FRAS1: variants seen among roughly 807,000 people sequenced by gnomAD.
FRAS1 encodes Fraser extracellular matrix complex subunit 1.
A neutral mutation model predicts 435.2 loss-of-function variants in FRAS1; 290 were observed. That is an observed-to-expected ratio of 0.67 (90% CI 0.61 to 0.73). The LOEUF is 0.73. Ranked by LOEUF, FRAS1 falls within the 30% of genes least tolerant of loss-of-function variation. The pLI, the probability that FRAS1 is intolerant of heterozygous loss-of-function variation, is 0.00. For synonymous variants in FRAS1, 1,800 were observed against 1,851.0 expected, an observed-to-expected ratio of 0.97 and a Z score of 0.71; for missense variants, 4,860 against 5,001.5, an observed-to-expected ratio of 0.97 and a Z score of 0.85.
chr4:78,084,149 TC>T (rs1273566859), intron 2 of FRAS1, among the ~76,000 whole-genome samples: 1 of 152,136 alleles, frequency 6.6e-6, no homozygotes, highest in African/African-American at 2.4e-5. Flanking sequence ...TCCTGTGAGG[TC>T]CCACAATAGG....
chr4:78,375,729 T>C lies in FRAS1; in HGVS notation c.3152-10T>C, dbSNP rs776449329. On this transcript the variant is annotated splice_polypyrimidine_tract_variant and intron_variant, in intron 25 of 73. Coordinates refer to ENST00000512123, the MANE Select transcript of FRAS1 (RefSeq NM_025074.7). Reference sequence around the variant, plus strand: ...GATTGAGCCTCATTTAGTGTTTCCTTTTTTAATAGCCTGCCCTCAGGGGTG... The same window carrying C: ...GATTGAGCCTCATTTAGTGTTTCCTCTTTTAATAGCCTGCCCTCAGGGGTG... 2.6e-5 allele frequency: 40 copies of C among 1,560,594 alleles called. No homozygotes were observed. Among genetic ancestry groups the C allele is most frequent in the Non-Finnish European group, 3.5e-5 (40 of 1,155,290 alleles).
intron 11 of FRAS1, 55 bp from the exon 12 acceptor site, chr4:78,282,765 C>G (rs1203151329): frequency 6.3e-7 from 1 of 1,594,380 alleles, no homozygotes. Context: ...GCAGCAAGCT[C>G]TCTTCTGAAT....
chr4:78,244,873 G>C (rs554334273), intron 3 of FRAS1, among the ~76,000 whole-genome samples: 1 of 152,294 alleles, frequency 6.6e-6, no homozygotes, highest in South Asian at 2.1e-4. Context: ...AGACCTGCCA[G>C]CTCTGTGGCC....
chr4:78,237,759 G>A (rs926139089), intron 3 of FRAS1, 142 bp downstream of exon 3: 11 of 460,252 alleles, frequency 2.4e-5, no homozygotes, highest in East Asian at 1.0e-4. Context: ...GAATTTTAAC[G>A]TATTGCATCT....
chr4:78,085,925 C>A (rs577385634), intron 2 of FRAS1, among the ~76,000 whole-genome samples: 4 of 152,140 alleles, frequency 2.6e-5, no homozygotes, highest in African/African-American at 9.7e-5. Flanking sequence ...CCAAGCGGAC[C>A]TAATAGACAC....
At chr4:78,481,114 T>A (rs1162613862) in intron 56 of FRAS1, among the ~76,000 whole-genome samples, 2 of 152,232 alleles carry the variant, frequency 1.3e-5, no homozygotes, top group African/African-American at 2.4e-5. Flanking sequence ...TCACAGCATG[T>A]TGGCTAGAAA....
At chr4:78,471,069 G>A (rs76955434) in intron 51 of FRAS1, among the ~76,000 whole-genome samples, 1,816 of 152,164 alleles carry the variant, frequency 0.012, 32 homozygotes, top group African/African-American at 0.042. Context: ...AGAAAGAAGC[G>A]GGGCATTTTT....
intron 2 of FRAS1, among the ~76,000 whole-genome samples, chr4:78,171,629 A>G (rs1015858161): frequency 6.6e-6 from 1 of 151,904 alleles, no homozygotes; most frequent in Non-Finnish European, 1.5e-5. Context: ...CACTCTTTCC[A>G]TGGCTGGGGC....
At chr4:78,512,422 C>T (rs1241786153) in intron 64 of FRAS1, among the ~76,000 whole-genome samples, 1 of 152,136 alleles carries the variant, frequency 6.6e-6, no homozygotes, top group East Asian at 1.9e-4. Flanking sequence ...GGTTCTGATT[C>T]TACTTAAAAA....
Position 78,057,902 on chromosome 4 carries a change from C to T in FRAS1, c.-108C>T. 1 of 980,108 alleles carries T rather than the reference C, an allele frequency of 1.0e-6. No homozygotes were observed. Among genetic ancestry groups the T allele is most frequent in the Middle Eastern group, 2.3e-4 (1 of 4,418 alleles). The allele number at this position is 980,108 out of a possible 1,614,324, so 60.7% of individuals were successfully genotyped here. ...TTCCCGGAGGTAAAGGCCCGCGGTC[C>T]CCCACCTTCAGTGCGCCCGGGTTCC... On this transcript the variant is annotated 5_prime_UTR_variant, in exon 1 of 74. Coordinates refer to ENST00000512123, the MANE Select transcript of FRAS1 (RefSeq NM_025074.7). This position sits in a 1 kb window ranked among gnomAD's most constrained non-coding sequence, Gnocchi z 4.2.
intron 2 of FRAS1, among the ~76,000 whole-genome samples, chr4:78,162,711 A>G (rs1721189973): frequency 6.6e-6 from 1 of 152,164 alleles, no homozygotes; most frequent in South Asian, 2.1e-4. Context: ...TTATCTGATA[A>G]CTTCAGAAAC....
intron 70 of FRAS1, 55 bp from the exon 71 acceptor site, chr4:78,534,394 C>A: frequency 2.0e-6 from 3 of 1,482,344 alleles, no homozygotes; most frequent in Non-Finnish European, 9.3e-7. Context: ...ACTCAAATGA[C>A]ATATGCAAAG....
chr4:78,305,123 A>C (rs1235137418), intron 14 of FRAS1, among the ~76,000 whole-genome samples: 1 of 152,018 alleles, frequency 6.6e-6, no homozygotes, highest in Non-Finnish European at 1.5e-5. Context: ...TTATGTACCC[A>C]GTAGTCATTC....
intron 1 of FRAS1, among the ~76,000 whole-genome samples, chr4:78,063,068 C>A (rs1184269652): frequency 6.6e-6 from 1 of 152,092 alleles, no homozygotes; most frequent in Non-Finnish European, 1.5e-5. Context: ...TTTAAAGTTC[C>A]CTGCCATAAA....
chr4:78,286,503 G>A lies in FRAS1; in HGVS notation c.1498G>A (p.Gly500Arg). 1 of 1,613,462 alleles carries A rather than the reference G, an allele frequency of 6.2e-7. No individual in the cohort carries two copies. The highest frequency in any genetic ancestry group is 8.5e-7 in the Non-Finnish European group (1 of 1,179,870). The change falls in exon 14 of 74, where the codon GGG (glycine) becomes AGG (arginine). Residue 500 changes from glycine (G) to arginine (R), a missense_variant. Gly to Arg is a moderately radical substitution (Grantham distance 125). Coordinates refer to ENST00000512123, the MANE Select transcript of FRAS1 (RefSeq NM_025074.7). ...GCACGGGCAGTGTGTGCCTACCTGT[G>A]GGGACGGCTTCTACCAAGATCGCCA... ...MRHGQCVPTC[G>R]DGFYQDRHSC...
chr4:78,499,641 A>T (rs1720616175), intron 60 of FRAS1, 80 bp from the exon 61 acceptor site: 2 of 1,305,984 alleles, frequency 1.5e-6, no homozygotes. Context: ...TCCTCTTGTC[A>T]TTATAAGGTG....
intron 56 of FRAS1, among the ~76,000 whole-genome samples, chr4:78,480,356 A>T (rs2109858295): frequency 6.6e-6 from 1 of 152,248 alleles, no homozygotes; most frequent in Middle Eastern, 3.4e-3. Flanking sequence ...GTTCTCACTT[A>T]TTTGTGGGAG....
At chr4:78,249,046 C>CGCATATATATATA in intron 4 of FRAS1, among the ~76,000 whole-genome samples, 1 of 27,174 alleles carries the variant, frequency 3.7e-5, no homozygotes, top group African/African-American at 8.3e-5. Flanking sequence ...TGAAGAACTA[C>CGCATATATATATA]TGATATATAT....
At chr4:78,073,927 C>T (rs1486384337) in intron 2 of FRAS1, among the ~76,000 whole-genome samples, 1 of 152,128 alleles carries the variant, frequency 6.6e-6, no homozygotes, top group African/African-American at 2.4e-5. Flanking sequence ...CATATAGCTT[C>T]TGGTGTCCCA....
Sources: allele counts gnomAD v4.1 joint callset (sites outside exome capture counted in the v4.1 genomes callset), GRCh38; gene constraint gnomAD v4.1.1; non-coding constraint Gnocchi (gnomAD v3.1); transcripts MANE v1.5; gene names NCBI Gene and HGNC (gene_info 2026-07-23, HGNC 2026-07-21).